The following RBFOX1 variants were observed in gnomAD, a reference collection of about 807,000 sequenced individuals.
RBFOX1 encodes RNA binding fox-1 homolog 1, also known as RNA binding protein fox-1 homolog 1.
A neutral mutation model predicts 57.7 loss-of-function variants in RBFOX1; 8 were observed. The ratio of observed to expected loss-of-function variants is 0.14; its 90% CI spans 0.08 to 0.25. The LOEUF is 0.25. RBFOX1 is among the 10% of genes least tolerant of loss of function. RBFOX1 has a pLI of 1.00. For synonymous variants in RBFOX1, 326 were observed against 222.4 expected (o/e 1.47, Z -4.15); for missense variants, 611 against 548.5 (o/e 1.11, Z -1.14).
At chr16:5,954,555 T>C (rs894880599) in intron 4 of RBFOX1, among the ~76,000 whole-genome samples, 1 of 152,158 alleles carries the variant, frequency 6.6e-6, no homozygotes, top group African/African-American at 2.4e-5. Context: ...ATTAAAGTGG[T>C]TTATGACCTT....
At chr16:6,120,108 C>A (rs907963353) in intron 1 of RBFOX1, among the ~76,000 whole-genome samples, 3 of 149,646 alleles carry the variant, frequency 2.0e-5, no homozygotes, top group Non-Finnish European at 2.9e-5. Context: ...TGTGGTAGCA[C>A]ACATCAGTGC....
intron 1 of RBFOX1, among the ~76,000 whole-genome samples, chr16:5,331,272 A>G (rs1249025022): frequency 6.6e-6 from 1 of 152,242 alleles, no homozygotes; most frequent in South Asian, 2.1e-4. Context: ...GTTGTCATGT[A>G]TCTCACGTGC....
At chr16:7,195,535 C>G (rs956504506) in intron 4 of RBFOX1, among the ~76,000 whole-genome samples, 5 of 152,228 alleles carry the variant, frequency 3.3e-5, no homozygotes, top group Non-Finnish European at 5.9e-5. Flanking sequence ...TGCTCTTGCT[C>G]TCTTTATTTA....
At chr16:5,832,570 G>C (rs2056315563) in intron 3 of RBFOX1, among the ~76,000 whole-genome samples, 2 of 152,190 alleles carry the variant, frequency 1.3e-5, no homozygotes, top group African/African-American at 2.4e-5. Context: ...CATGTTAGCT[G>C]TCACTGTTAG....
chr16:5,717,958 TC>T (rs767014664), intron 3 of RBFOX1, among the ~76,000 whole-genome samples: 1 of 152,196 alleles, frequency 6.6e-6, no homozygotes, highest in Non-Finnish European at 1.5e-5. Context: ...TGATCACAGT[TC>T]TTCACTCTTC....
chr16:6,837,961 TG>T (rs1483505053), intron 3 of RBFOX1, among the ~76,000 whole-genome samples: 4 of 150,604 alleles, frequency 2.7e-5, no homozygotes. Flanking sequence ...TGGCAACACC[TG>T]GAAGTTACCA....
intron 2 of RBFOX1, among the ~76,000 whole-genome samples, chr16:6,431,900 T>TTGCTTGTTTGCTTG (rs1567258053): frequency 1.4e-5 from 1 of 71,540 alleles, no homozygotes; most frequent in East Asian, 3.9e-4. Context: ...TTGCTTGCTT[T>TTGCTTGTTTGCTTG]CTTTCTTTCT....
intron 3 of RBFOX1, among the ~76,000 whole-genome samples, chr16:5,614,801 A>T (rs1009254216): frequency 6.6e-6 from 1 of 152,146 alleles, no homozygotes; most frequent in African/African-American, 2.4e-5. Context: ...AAACAAAAAC[A>T]TCCGACATTC....
rs541145537 is a variant in RBFOX1, at chr16:5,839,890, C to A, written c.319-27413C>A. On this transcript the variant is annotated intron_variant, in intron 3 of 19. Transcript: ENST00000641259. The stretch of plus-strand genomic sequence containing the variant: ...GCAGCTCATTGACTAGAATCAGTCT[C>A]GTTGGTAACCCCTATGAGCAATCAA... Among the ~76,000 whole-genome samples, 50 of 152,118 alleles carry A rather than the reference C, an allele frequency of 3.3e-4. 1 individual carries two copies. The highest frequency in any genetic ancestry group is 7.3e-5 in the Non-Finnish European group (5 of 68,032).
chr16:7,603,991 GA>G (rs2095173728), intron 9 of RBFOX1, among the ~76,000 whole-genome samples: 1 of 152,286 alleles, frequency 6.6e-6, no homozygotes, highest in South Asian at 2.1e-4. Context: ...TCCAGGCAGA[GA>G]TAGGAATGCC....
In RBFOX1 at chr16:7,104,037, C is replaced by T. The variant is rs534537724; in HGVS notation, c.27+51939C>T. On this transcript the variant is annotated intron_variant, in intron 4 of 15. Transcript: ENST00000550418. ...TTAAATTTTGTTTTGTGTTTTTCCA[C>T]ATATAAAATCTAAAATAGTTCGTTA... Among the ~76,000 whole-genome samples, 5 of 152,238 alleles carry T rather than the reference C, an allele frequency of 3.3e-5. No homozygotes were observed. In the South Asian group the frequency reaches 1.0e-3, roughly 32 times the overall value.
At chr16:5,940,104 C>T (rs568005238) in intron 4 of RBFOX1, among the ~76,000 whole-genome samples, 3 of 152,300 alleles carry the variant, frequency 2.0e-5, no homozygotes, top group Admixed American at 1.3e-4. Context: ...CCTGAAGGCT[C>T]ACCCCGTATT....
chr16:7,711,883 C>T lies in RBFOX1; in HGVS notation c.*1138C>T, dbSNP rs928159909. 1 of 152,624 alleles carries T rather than the reference C, an allele frequency of 6.6e-6. No individual in the cohort carries two copies. The highest frequency in any genetic ancestry group is 1.9e-4 in the East Asian group (1 of 5,170). 9.5% of individuals were successfully genotyped at this position (152,624 alleles called of 1,614,324 possible). ...TTCATCAGCTTGGTACTTTTTGAAA[C>T]GTGACTGCGTTGTGTGAACAATCTG... is the stretch of plus-strand genomic sequence containing the variant. On this transcript the variant is annotated 3_prime_UTR_variant, in exon 16 of 16. Transcript: ENST00000550418.
At chr16:6,456,250 G>C (rs1188432130) in intron 2 of RBFOX1, among the ~76,000 whole-genome samples, 1 of 152,056 alleles carries the variant, frequency 6.6e-6, no homozygotes, top group Non-Finnish European at 1.5e-5. Flanking sequence ...TTTTAGAAAA[G>C]AACATGGATT....
chr16:6,010,999 C>G (rs997871918), intron 4 of RBFOX1, among the ~76,000 whole-genome samples: 1 of 152,140 alleles, frequency 6.6e-6, no homozygotes, highest in African/African-American at 2.4e-5. Context: ...CACCAGTAAC[C>G]ACTGCAAATG....
chr16:6,841,491 T>A (rs1280049409), intron 3 of RBFOX1, among the ~76,000 whole-genome samples: 1 of 152,160 alleles, frequency 6.6e-6, no homozygotes, highest in African/African-American at 2.4e-5. Flanking sequence ...GGAGAGTCAT[T>A]AATGCGGTAG....
At chr16:6,610,966 AC>A (rs2098040613) in intron 2 of RBFOX1, among the ~76,000 whole-genome samples, 1 of 152,214 alleles carries the variant, frequency 6.6e-6, no homozygotes, top group Non-Finnish European at 1.5e-5. Flanking sequence ...ATCTGCATTC[AC>A]TTAGCAGCAA....
intron 4 of RBFOX1, among the ~76,000 whole-genome samples, chr16:7,403,533 G>T (rs1049864893): frequency 4.0e-5 from 6 of 149,052 alleles, no homozygotes; most frequent in African/African-American, 1.2e-4. Flanking sequence ...TGTCCTCCAG[G>T]TTCACCCATA....
At chr16:7,588,449 A>G (rs964440411) in intron 7 of RBFOX1, among the ~76,000 whole-genome samples, 28 of 152,224 alleles carry the variant, frequency 1.8e-4, no homozygotes, top group Non-Finnish European at 2.9e-5. Context: ...GGGGGTTAAC[A>G]GGGAGAATGA....
Sources: allele counts gnomAD v4.1 joint callset (sites outside exome capture counted in the v4.1 genomes callset), GRCh38; gene constraint gnomAD v4.1.1; transcripts MANE v1.5; gene names NCBI Gene and HGNC (gene_info 2026-07-23, HGNC 2026-07-21).